TBC1D30: variants seen among roughly 807,000 people sequenced by gnomAD.
The protein encoded by TBC1D30 is TBC1 domain family member 30.
Under a neutral mutation model 63.2 loss-of-function variants are expected in TBC1D30, and 31 were observed. The observed-to-expected ratio is 0.49, with a 90% CI of 0.37 to 0.66. TBC1D30 has a LOEUF of 0.66. TBC1D30 is among the 30% of genes least tolerant of loss of function. The pLI is 0.00. For synonymous variants in TBC1D30, 307 were observed against 361.5 expected (o/e 0.85, Z 1.71); for missense variants, 810 against 953.6 (o/e 0.85, Z 1.98).
exon 1 of TBC1D30, chr12:64,781,132 C>G (rs374422844): frequency 4.0e-6 from 4 of 1,007,614 alleles, no homozygotes; most frequent in Non-Finnish European, 2.4e-6. Context: ...CCGAGGGCCG[C>G]CGGCGGCGCC....
At chr12:64,853,891 C>T (rs10047571) in intron 8 of TBC1D30, among the ~76,000 whole-genome samples, 8,389 of 152,196 alleles carry the variant, frequency 0.055, 496 homozygotes, top group African/African-American at 0.15. Flanking sequence ...ACCCACCTTC[C>T]GCATTGATCT....
chr12:64,779,992 A>G (rs1265162631), upstream of TBC1D30, among the ~76,000 whole-genome samples: 5 of 152,216 alleles, frequency 3.3e-5, no homozygotes, highest in African/African-American at 9.6e-5. Context: ...TGTAAGATAC[A>G]TCTCTCACAG....
chr12:64,842,802 T>C (rs1402283298), intron 7 of TBC1D30, among the ~76,000 whole-genome samples: 1 of 151,996 alleles, frequency 6.6e-6, no homozygotes. Flanking sequence ...GATGTGTAGA[T>C]TGTGTCCCAT....
At chr12:64,775,529 A>G (rs1871051082), upstream of TBC1D30, among the ~76,000 whole-genome samples, 1 of 152,198 alleles carries the variant, frequency 6.6e-6, no homozygotes, top group African/African-American at 2.4e-5. Context: ...AAAAAAAGAC[A>G]AAGGGGGCAT....
chr12:64,769,190 A>G (rs1285521765), intron 1 of TBC1D30, among the ~76,000 whole-genome samples: 1 of 151,876 alleles, frequency 6.6e-6, no homozygotes, highest in Admixed American at 6.6e-5. Flanking sequence ...TAGTACATGT[A>G]GAACTGATGA....
intron 2 of TBC1D30, among the ~76,000 whole-genome samples, chr12:64,809,783 C>G (rs1202297131): frequency 6.6e-6 from 1 of 152,130 alleles, no homozygotes; most frequent in Admixed American, 6.5e-5. Context: ...GGCTTTGGAT[C>G]AATAATGCTA....
intron 8 of TBC1D30, among the ~76,000 whole-genome samples, chr12:64,849,619 T>C (rs939428215): frequency 6.6e-6 from 1 of 152,172 alleles, no homozygotes; most frequent in Non-Finnish European, 1.5e-5. Context: ...TCTGTTCTGT[T>C]CCATTGGTTT....
intron 1 of TBC1D30, among the ~76,000 whole-genome samples, chr12:64,773,454 C>T (rs868541464): frequency 8.5e-5 from 13 of 152,338 alleles, no homozygotes; most frequent in Middle Eastern, 3.4e-3. Context: ...GGAAGTATAT[C>T]CCAGCACAGC....
At chr12:64,861,681 A>T (rs1877804029) in intron 8 of TBC1D30, among the ~76,000 whole-genome samples, 1 of 152,154 alleles carries the variant, frequency 6.6e-6, no homozygotes, top group Non-Finnish European at 1.5e-5. Flanking sequence ...TACATAATGT[A>T]CCTGGATATC....
Position 64,843,473 on chromosome 12 carries a change from T to C in TBC1D30, c.1026T>C (p.His342=), listed in dbSNP as rs537304726. The stretch of plus-strand genomic sequence containing the variant: ...TAGAGAATGATCTTCTGCAAAGCCA[T>C]GAACTCATGCAGGTGAGTCGGCAAC... ...EMLENDLLQS[H]ELMQTVYSMA... Residue 342 remains histidine (H), a synonymous_variant, in exon 8 of 12, where the codon CAT becomes CAC. Transcript: ENST00000539867. 1.3e-6 allele frequency: 2 copies of C among 1,536,084 alleles called. No individual in the cohort carries two copies. Among genetic ancestry groups the C allele is most frequent in the African/African-American group, 1.4e-5 (1 of 73,172 alleles).
chr12:64,819,520 G>T (rs189306082), intron 2 of TBC1D30, among the ~76,000 whole-genome samples: 11 of 146,432 alleles, frequency 7.5e-5, no homozygotes, highest in African/African-American at 2.3e-4. Context: ...AGGTTCAAGC[G>T]ATTCTCCTGC....
chr12:64,813,216 C>T (rs544198529), intron 2 of TBC1D30, among the ~76,000 whole-genome samples: 1 of 152,164 alleles, frequency 6.6e-6, no homozygotes, highest in South Asian at 2.1e-4. Context: ...ATGGTGAAAC[C>T]CCGTCTCTAC....
intron 2 of TBC1D30, chr12:64,818,460 T>A: frequency 1.1e-6 from 1 of 932,290 alleles, no homozygotes; most frequent in Non-Finnish European, 1.3e-6. Context: ...TTTTAGACAG[T>A]CTCGTGCTGT....
In TBC1D30 at chr12:64,825,343, T is replaced by A. The variant is rs948463522; in HGVS notation, c.154+310T>A. 3 of 345,930 alleles carry A rather than the reference T, an allele frequency of 8.7e-6. No individual in the cohort carries two copies. The East Asian group carries it at 1.6e-4, about 19-fold the overall frequency. 21.4% of individuals were successfully genotyped at this position (345,930 alleles called of 1,614,324 possible). On this transcript the variant is annotated intron_variant, in intron 1 of 11. Coordinates refer to ENST00000539867, the MANE Select transcript of TBC1D30 (RefSeq NM_015279.2). Reference sequence around the variant, plus strand: ...CGCGTGGCGGGGAAGTGCGGGTGGCTGCCCGGGCCCTCAGAGGCCGCACCA... The same window carrying A: ...CGCGTGGCGGGGAAGTGCGGGTGGCAGCCCGGGCCCTCAGAGGCCGCACCA...
chr12:64,860,385 G>T (rs1026415179), intron 8 of TBC1D30, among the ~76,000 whole-genome samples: 3 of 152,064 alleles, frequency 2.0e-5, no homozygotes, highest in Non-Finnish European at 2.9e-5. Flanking sequence ...GAACTCCTGG[G>T]CCTCAGGCGA....
Position 64,866,760 on chromosome 12 carries a change from C to T in TBC1D30, c.1152-4C>T. 1 of 1,532,606 alleles carries T rather than the reference C, an allele frequency of 6.5e-7. No homozygotes were observed. The highest frequency in any genetic ancestry group is 1.2e-5 in the South Asian group (1 of 82,804). The allele number at this position is 1,532,606 out of a possible 1,614,324, so 94.9% of individuals were successfully genotyped here. ...TTTCTTTTTTGTCTTTTATGTTTTC[C>T]AAGACGACATAGTAAGGCCAGAGAC... On this transcript the variant is annotated splice_polypyrimidine_tract_variant and splice_region_variant and intron_variant, in intron 9 of 11. Transcript: ENST00000539867.
intron 9 of TBC1D30, among the ~76,000 whole-genome samples, chr12:64,866,219 A>G (rs1878202515): frequency 6.6e-6 from 1 of 152,206 alleles, no homozygotes; most frequent in Non-Finnish European, 1.5e-5. Context: ...CATATATAGT[A>G]TGCTAATAGT....
chr12:64,815,834 G>A (rs922359123), intron 2 of TBC1D30, among the ~76,000 whole-genome samples: 9 of 151,608 alleles, frequency 5.9e-5, no homozygotes, highest in African/African-American at 2.2e-4. Flanking sequence ...CACCAAGGCT[G>A]GTAGTATGGT....
At chr12:64,831,917 T>A (rs1172926944) in intron 4 of TBC1D30, among the ~76,000 whole-genome samples, 1 of 152,122 alleles carries the variant, frequency 6.6e-6, no homozygotes, top group Non-Finnish European at 1.5e-5. Context: ...CCCTTGCAAA[T>A]CTCTCTTAAA....
Sources: allele counts gnomAD v4.1 joint callset (sites outside exome capture counted in the v4.1 genomes callset), GRCh38; gene constraint gnomAD v4.1.1; transcripts MANE v1.5; gene names NCBI Gene and HGNC (gene_info 2026-07-23, HGNC 2026-07-21).